The following AGAP1 variants were observed in gnomAD, a reference collection of about 807,000 sequenced individuals.
The protein encoded by AGAP1 is arf-GAP with GTPase, ANK repeat and PH domain-containing protein 1.
AGAP1 carries 29 observed loss-of-function variants against 105.3 expected under a neutral mutation model. The observed-to-expected ratio is 0.28, with a 90% CI of 0.21 to 0.38. The LOEUF (loss-of-function observed/expected upper bound fraction) is 0.38, where lower values mean the gene tolerates loss of function less well. Ranked by LOEUF, AGAP1 falls within the 10% of genes least tolerant of loss-of-function variation. AGAP1 has a pLI of 1.00. For missense variants in AGAP1, 998 were observed against 1,165.1 expected, an observed-to-expected ratio of 0.86 and a Z score of 2.09; for synonymous variants, 509 against 485.9, an observed-to-expected ratio of 1.05 and a Z score of -0.63.
intron 1 of AGAP1, among the ~76,000 whole-genome samples, chr2:235,657,161 C>T (rs891915117): frequency 3.3e-5 from 5 of 152,280 alleles, no homozygotes; most frequent in Admixed American, 1.3e-4. Context: ...TCCTCAGAGA[C>T]GGGAGATCTT....
intron 1 of AGAP1, among the ~76,000 whole-genome samples, chr2:235,686,665 A>ATATTTTTTT (rs1369766503): frequency 1.3e-5 from 1 of 77,494 alleles, no homozygotes; most frequent in African/African-American, 6.5e-5. Context: ...ATATATATAT[A>ATATTTTTTT]TTTTTTTTTT....
rs1245102474 is a variant in AGAP1, at chr2:235,792,615, G to A, written c.674-5144G>A. On this transcript the variant is annotated intron_variant, in intron 6 of 17. Transcript: ENST00000304032. The surrounding 1 kb of genome is among the most constrained non-coding windows in gnomAD (Gnocchi z 5.3). ...CTTAGACCAAGGCAGTGGCAGTGAA[G>A]ACGAATTTCTGAGAAACTCTGGTGG... 6.6e-6 allele frequency among the ~76,000 whole-genome samples: 1 copy of A among 152,252 alleles called. No homozygotes were observed. The highest frequency in any genetic ancestry group is 1.5e-5 in the Non-Finnish European group (1 of 68,050).
Position 235,517,690 on chromosome 2 carries a change from A to T in AGAP1, c.163+22841A>T, listed in dbSNP as rs1942445407. Among the ~76,000 whole-genome samples the T allele has an allele frequency of 6.6e-6, 1 of 152,166 alleles. No homozygotes were observed. Among genetic ancestry groups the T allele is most frequent in the African/African-American group, 2.4e-5 (1 of 41,448 alleles). The stretch of plus-strand genomic sequence containing the variant: ...AGTGGCTCACACCTGTAATCCCAGC[A>T]CTCTGGGAGGCCGAGGCAGACAGAT... On this transcript the variant is annotated intron_variant, in intron 1 of 17. Transcript: ENST00000304032. This position sits in a 1 kb window ranked among gnomAD's most constrained non-coding sequence, Gnocchi z 4.1.
In AGAP1 at chr2:235,854,784, G is replaced by A. The variant is rs1007833556; in HGVS notation, c.1051-28561G>A. On this transcript the variant is annotated intron_variant, in intron 9 of 17. Transcript: ENST00000304032. Reference sequence around the variant, plus strand: ...AAAAGTGGCTGTTTCCCCTGGTTTCGCTTGTTTATTATTAGTATTATTTTC... The same window carrying A: ...AAAAGTGGCTGTTTCCCCTGGTTTCACTTGTTTATTATTAGTATTATTTTC... Among the ~76,000 whole-genome samples the A allele has an allele frequency of 7.2e-5, 11 of 152,300 alleles. No homozygotes were observed. In the East Asian group the frequency reaches 1.7e-3, roughly 24 times the overall value.
intron 4 of AGAP1, among the ~76,000 whole-genome samples, chr2:235,742,545 C>T (rs980038740): frequency 2.0e-5 from 3 of 152,058 alleles, no homozygotes; most frequent in Non-Finnish European, 2.9e-5. Context: ...GTTCAGTGAC[C>T]GTCTGGTAGT....
chr2:235,703,071 G>A (rs1950339333), intron 1 of AGAP1, among the ~76,000 whole-genome samples: 1 of 151,906 alleles, frequency 6.6e-6, no homozygotes, highest in African/African-American at 2.4e-5. Flanking sequence ...GGGATTACAG[G>A]CGCACACCAC....
At chr2:235,637,450 AT>A (rs11293469) in intron 1 of AGAP1, among the ~76,000 whole-genome samples, 11,929 of 143,618 alleles carry the variant, frequency 0.083, 1,271 homozygotes, top group African/African-American at 0.25. Context: ...TTGTATTATT[AT>A]TTTTTTTTTT....
chr2:236,011,514 AAG>A (rs1353973824), intron 13 of AGAP1, among the ~76,000 whole-genome samples: 3 of 152,192 alleles, frequency 2.0e-5, no homozygotes, highest in African/African-American at 7.2e-5. Flanking sequence ...CTGTTTACCA[AAG>A]AGACTTTTGC....
Position 235,789,637 on chromosome 2 carries a change from A to G in AGAP1, c.674-8122A>G, listed in dbSNP as rs940927031. On this transcript the variant is annotated intron_variant, in intron 6 of 17. Transcript: ENST00000304032. The surrounding 1 kb of genome is among the most constrained non-coding windows in gnomAD (Gnocchi z 4.2). ...GGTTGTTTGCTCAAAAAAAAAATAC[A>G]TATATATAGTCATATTTTGTGCTTC... Among the ~76,000 whole-genome samples, 2 of 152,162 alleles carry G rather than the reference A, an allele frequency of 1.3e-5. No individual in the cohort carries two copies. Among genetic ancestry groups the G allele is most frequent in the African/African-American group, 4.8e-5 (2 of 41,432 alleles).
At chr2:236,110,471 G>A (rs2059614069) in intron 16 of AGAP1, among the ~76,000 whole-genome samples, 1 of 152,130 alleles carries the variant, frequency 6.6e-6, no homozygotes, top group South Asian at 2.1e-4. Context: ...GCTGAGGCAG[G>A]AGGATGACTT....
Position 235,610,703 on chromosome 2 carries a change from G to A in AGAP1, c.164-98476G>A, listed in dbSNP as rs540010980. On this transcript the variant is annotated intron_variant, in intron 1 of 17. Coordinates refer to ENST00000304032, the MANE Select transcript of AGAP1 (RefSeq NM_001037131.3). The surrounding 1 kb of genome is among the most constrained non-coding windows in gnomAD (Gnocchi z 4.9). The stretch of plus-strand genomic sequence containing the variant: ...CCGCACACATCCACATTGCAGACCC[G>A]CCATCCTCAAACGCACTGTGCTCCC... 9.2e-5 allele frequency among the ~76,000 whole-genome samples: 14 copies of A among 152,192 alleles called. No homozygotes were observed. Among genetic ancestry groups the A allele is most frequent in the Middle Eastern group, 3.4e-3 (1 of 294 alleles).
rs539963560 is a variant in AGAP1, at chr2:236,120,899, G to A, written c.2370+452G>A. ...CGAACCATTCTGATTAATTTCTACT[G>A]GGGAAAAGTATTATTTACATTCCTA... On this transcript the variant is annotated intron_variant, in intron 17 of 17. Coordinates refer to ENST00000304032, the MANE Select transcript of AGAP1 (RefSeq NM_001037131.3). The surrounding 1 kb of genome is among the most constrained non-coding windows in gnomAD (Gnocchi z 6.0). Among the ~76,000 whole-genome samples the A allele has an allele frequency of 1.9e-4, 29 of 152,328 alleles. No individual in the cohort carries two copies. The highest frequency in any genetic ancestry group is 6.5e-4 in the African/African-American group (27 of 41,582).
intron 10 of AGAP1, among the ~76,000 whole-genome samples, chr2:235,884,150 C>A (rs900380427): frequency 3.9e-5 from 6 of 152,142 alleles, no homozygotes; most frequent in African/African-American, 1.4e-4. Context: ...TTACTTGATG[C>A]AGAGAAATGT....
At chr2:235,606,134 G>C (rs983370488) in intron 1 of AGAP1, among the ~76,000 whole-genome samples, 1 of 152,194 alleles carries the variant, frequency 6.6e-6, no homozygotes, top group Non-Finnish European at 1.5e-5. Flanking sequence ...CATTTCCCCG[G>C]CCTTTCACCG....
intron 10 of AGAP1, among the ~76,000 whole-genome samples, chr2:235,894,916 CAGG>C (rs2050730545): frequency 6.6e-6 from 1 of 152,218 alleles, no homozygotes; most frequent in East Asian, 1.9e-4. Flanking sequence ...TCCTGGGACT[CAGG>C]CACAGTGTGA....
At chr2:236,037,496 T>A (rs1490785236) in intron 14 of AGAP1, among the ~76,000 whole-genome samples, 2 of 152,096 alleles carry the variant, frequency 1.3e-5, no homozygotes, top group Non-Finnish European at 2.9e-5. Flanking sequence ...GCTCAAGCAA[T>A]CCTCCCACCT....
chr2:235,585,796 TCTTAC>T (rs1410337298), intron 1 of AGAP1, among the ~76,000 whole-genome samples: 2 of 152,136 alleles, frequency 1.3e-5, no homozygotes, highest in Non-Finnish European at 2.9e-5. Flanking sequence ...CCCACCACCG[TCTTAC>T]CTTCTGCTGC....
intron 10 of AGAP1, among the ~76,000 whole-genome samples, chr2:235,886,042 C>T (rs2050259841): frequency 6.6e-6 from 1 of 152,174 alleles, no homozygotes; most frequent in Admixed American, 6.5e-5. Context: ...CCATGTAGGT[C>T]TCCAGTTCTG....
rs1247626520 is a variant in AGAP1 at position 235,660,383 on chromosome 2, T to G, written c.164-48796T>G. Among the ~76,000 whole-genome samples the G allele has an allele frequency of 2.0e-5, 3 of 152,122 alleles. No individual in the cohort carries two copies. The highest frequency in any genetic ancestry group is 7.2e-5 in the African/African-American group (3 of 41,418). On this transcript the variant is annotated intron_variant, in intron 1 of 17. Transcript: ENST00000304032. This position sits in a 1 kb window ranked among gnomAD's most constrained non-coding sequence, Gnocchi z 5.3. ...ATGACTGAGGCATTACCTGCACTGA[T>G]TAAGTCAACCATCAAGCAGCATTTA...
Sources: allele counts gnomAD v4.1 joint callset (sites outside exome capture counted in the v4.1 genomes callset), GRCh38; gene constraint gnomAD v4.1.1; non-coding constraint Gnocchi (gnomAD v3.1); transcripts MANE v1.5; gene names NCBI Gene and HGNC (gene_info 2026-07-23, HGNC 2026-07-21).